The following COL10A1 variants were observed in gnomAD, a reference collection of about 807,000 sequenced individuals.
COL10A1 encodes the protein collagen type X alpha 1 chain.
COL10A1 carries 10 observed loss-of-function variants against 18.2 expected under a neutral mutation model. That is an observed-to-expected ratio of 0.55 (90% confidence interval 0.34 to 0.93). The LOEUF is 0.93. Among genes scored for constraint, COL10A1 ranks in the 40% least tolerant of loss-of-function variants. The pLI is 0.02. For missense variants in COL10A1, 897 were observed against 853.5 expected (o/e 1.05, Z -0.64); for synonymous variants, 330 against 316.6 (o/e 1.04, Z -0.45).
At chr6:116,205,587 T>C in the COL10A1 span, among the ~76,000 whole-genome samples, 3 of 149,970 alleles carry the variant, frequency 2.0e-5, no homozygotes, top group African/African-American at 7.5e-5. Context: ...TCCTTAAATA[T>C]GTGGAATAAA....
At chr6:116,160,995 G>A (rs1582843819), upstream of COL10A1, among the ~76,000 whole-genome samples, 1 of 151,856 alleles carries the variant, frequency 6.6e-6, no homozygotes, top group East Asian at 1.9e-4. Flanking sequence ...TATACACCAT[G>A]GAATACTATG....
chr6:116,189,880 T>C, the COL10A1 span, among the ~76,000 whole-genome samples: 2 of 152,038 alleles, frequency 1.3e-5, no homozygotes, highest in Non-Finnish European at 2.9e-5. Context: ...AATTCTCTTA[T>C]TGTATACTAT....
At chr6:116,186,043 G>A in the COL10A1 span, among the ~76,000 whole-genome samples, 865 of 152,008 alleles carry the variant, frequency 5.7e-3, 16 homozygotes, top group South Asian at 0.046. Context: ...TTCTTATAGT[G>A]GTTCTTGTAG....
the COL10A1 span, among the ~76,000 whole-genome samples, chr6:116,190,777 G>A: frequency 3.3e-4 from 50 of 152,086 alleles, no homozygotes; most frequent in African/African-American, 1.2e-3. Flanking sequence ...GGAAAGAATC[G>A]TTCTGCTGAG....
chr6:116,127,602 T>C (rs1779354249), upstream of COL10A1, among the ~76,000 whole-genome samples: 1 of 152,166 alleles, frequency 6.6e-6, no homozygotes, highest in African/African-American at 2.4e-5. Context: ...CACCTGCCTT[T>C]TGGCTTATGG....
the COL10A1 span, among the ~76,000 whole-genome samples, chr6:116,173,943 T>TC: frequency 6.6e-6 from 1 of 152,226 alleles, no homozygotes. Flanking sequence ...TTGCATTTAA[T>TC]CATCACATTC....
the COL10A1 span, among the ~76,000 whole-genome samples, chr6:116,186,455 A>G: frequency 6.6e-6 from 1 of 151,958 alleles, no homozygotes; most frequent in Non-Finnish European, 1.5e-5. Flanking sequence ...GTCCTCGATT[A>G]TTCCCTCAAA....
chr6:116,134,923 T>C (rs1001664649), intron 1 of COL10A1, among the ~76,000 whole-genome samples: 8 of 152,172 alleles, frequency 5.3e-5, no homozygotes, highest in African/African-American at 1.9e-4. Flanking sequence ...GAGCCCAGAA[T>C]CTTGGGAGTT....
the COL10A1 span, among the ~76,000 whole-genome samples, chr6:116,165,907 A>G: frequency 1.3e-5 from 2 of 152,206 alleles, no homozygotes; most frequent in East Asian, 1.9e-4. Context: ...GTAGCCCACA[A>G]TGAATGCACA....
chr6:116,201,978 G>A, the COL10A1 span, among the ~76,000 whole-genome samples: 103 of 152,142 alleles, frequency 6.8e-4, no homozygotes, highest in African/African-American at 2.5e-3. Flanking sequence ...ACCTGGAGGA[G>A]TGCTGACCAA....
At chr6:116,188,776 GT>G in the COL10A1 span, among the ~76,000 whole-genome samples, 2 of 150,934 alleles carry the variant, frequency 1.3e-5, no homozygotes, top group African/African-American at 4.9e-5. Flanking sequence ...ACAGATTTAT[GT>G]TTTTTGTCTT....
chr6:116,133,205 A>T (rs1042732340), intron 1 of COL10A1, among the ~76,000 whole-genome samples: 1 of 152,142 alleles, frequency 6.6e-6, no homozygotes, highest in African/African-American at 2.4e-5. Flanking sequence ...AAAAATATAG[A>T]ATGTCTTGGC....
upstream of COL10A1, among the ~76,000 whole-genome samples, chr6:116,161,297 T>A (rs1780324580): frequency 6.6e-6 from 1 of 151,746 alleles, no homozygotes; most frequent in Non-Finnish European, 1.5e-5. Context: ...CATATGTAAC[T>A]AACCTGCACA....
intron 1 of COL10A1, among the ~76,000 whole-genome samples, chr6:116,148,569 A>ATGTTAACATGTTTAT (rs2114389106): frequency 6.6e-6 from 1 of 152,210 alleles, no homozygotes; most frequent in East Asian, 1.9e-4. Context: ...ATGTTAATTA[A>ATGTTAACATGTTTAT]TAGAAGTATT....
chr6:116,120,929 A>G lies in COL10A1; in HGVS notation c.1187T>C (p.Leu396Pro), dbSNP rs1779099800. ...CCCTGGGTTACCCTTAGGACCATCG[A>G]GACCTGGTTTTCCTGGGTACCCTGG... ...GKPGYPGKPG[L>P]DGPKGNPGLP... The change falls in exon 3 of 3, where the codon CTC becomes CCC. Residue 396 changes from leucine (L) to proline (P), a missense_variant. Coordinates refer to ENST00000651968, the MANE Select transcript of COL10A1 (RefSeq NM_000493.4). The G allele has an allele frequency of 6.2e-7, 1 of 1,613,732 alleles. No homozygotes were observed. The highest frequency in any genetic ancestry group is 1.1e-5 in the South Asian group (1 of 91,064).
intron 1 of COL10A1, among the ~76,000 whole-genome samples, chr6:116,152,765 CTAATA>C (rs1780078778): frequency 6.6e-6 from 1 of 152,162 alleles, no homozygotes; most frequent in African/African-American, 2.4e-5. Flanking sequence ...TTTTACAACT[CTAATA>C]TAGTTCTTGG....
At chr6:116,203,099 T>C in the COL10A1 span, among the ~76,000 whole-genome samples, 7 of 152,152 alleles carry the variant, frequency 4.6e-5, no homozygotes, top group African/African-American at 1.4e-4. Flanking sequence ...AGTGAAGTTA[T>C]ATAAAATGTC....
At position 116,120,465 on chromosome 6, in the gene COL10A1, C is replaced by A; in HGVS notation, c.1651G>T (p.Val551Leu). ...SANQGVTGMP[V>L]SAFTVILSKA... The stretch of plus-strand genomic sequence containing the variant: ...GAGAGAATAACAGTAAAAGCAGACA[C>A]AGGCATTCCTGTTACCCCCTGGTTG... Residue 551 changes from valine (V) to leucine (L), a missense_variant, in exon 3 of 3, where the codon GTG becomes TTG. Val to Leu is a conservative substitution (Grantham distance 32). Coordinates refer to ENST00000651968, the MANE Select transcript of COL10A1 (RefSeq NM_000493.4). 1 of 1,614,240 alleles carries A rather than the reference C, an allele frequency of 6.2e-7. No homozygotes were observed. Among genetic ancestry groups the A allele is most frequent in the Non-Finnish European group, 8.5e-7 (1 of 1,180,046 alleles).
At position 116,120,714 on chromosome 6, in the gene COL10A1, C is replaced by T. The variant is rs1041072624; in HGVS notation, c.1402G>A (p.Asp468Asn). 2 of 1,561,844 alleles carry T rather than the reference C, an allele frequency of 1.3e-6. No homozygotes were observed. The highest frequency in any genetic ancestry group is 2.8e-5 in the African/African-American group (2 of 72,466). Reference sequence around the variant, plus strand: ...CCAGGAGGACCGGGACTTCCTGGATCCCCTTTAGACCCAGGGAATCCTGGA... The same window carrying T: ...CCAGGAGGACCGGGACTTCCTGGATTCCCTTTAGACCCAGGGAATCCTGGA... ...GIPGFPGSKG[D>N]PGSPGPPGPA... The change falls in exon 3 of 3, where the codon GAT (aspartate) becomes AAT (asparagine). Residue 468 changes from aspartate (D) to asparagine (N), a missense_variant. Coordinates refer to ENST00000651968, the MANE Select transcript of COL10A1 (RefSeq NM_000493.4).
Sources: gnomAD v4.1 joint callset for allele counts (sites outside exome capture counted in the v4.1 genomes callset) on GRCh38, gnomAD v4.1.1 for gene constraint, MANE v1.5 for transcripts, NCBI Gene and HGNC (gene_info 2026-07-23, HGNC 2026-07-21) for gene names.